The following THADA variants were observed in gnomAD, a reference collection of about 807,000 sequenced individuals.
The protein encoded by THADA is THADA armadillo repeat containing.
In THADA, 213 loss-of-function variants were observed where a neutral mutation model predicts 219.8. The observed-to-expected ratio is 0.97, with a 90% confidence interval of 0.87 to 1.09. The LOEUF (loss-of-function observed/expected upper bound fraction) is 1.09. Ranked by LOEUF, THADA falls within the 50% of genes least tolerant of loss-of-function variation. THADA has a pLI of 0.00. For synonymous variants in THADA, 1,018 were observed against 828.9 expected (o/e 1.23, Z -3.92); for missense variants, 2,956 against 2,311.3 (o/e 1.28, Z -5.72).
At chr2:43,363,505 T>C (rs974443669) in intron 29 of THADA, among the ~76,000 whole-genome samples, 2 of 152,210 alleles carry the variant, frequency 1.3e-5, no homozygotes, top group Admixed American at 6.5e-5. Context: ...TTCCTGGCTA[T>C]CATGAAAACT....
chr2:43,302,404 T>C (rs1308250211), intron 31 of THADA, among the ~76,000 whole-genome samples: 1 of 152,142 alleles, frequency 6.6e-6, no homozygotes, highest in East Asian at 1.9e-4. Flanking sequence ...GCCACTCAAG[T>C]ATGTGTGACT....
At chr2:43,249,263 T>A (rs1669573322) in intron 36 of THADA, among the ~76,000 whole-genome samples, 2 of 152,114 alleles carry the variant, frequency 1.3e-5, no homozygotes, top group African/African-American at 4.8e-5. Context: ...AATTTTGCAT[T>A]TTTTGTAGAG....
At chr2:43,375,913 A>C (rs1008954003) in intron 29 of THADA, among the ~76,000 whole-genome samples, 1 of 152,234 alleles carries the variant, frequency 6.6e-6, no homozygotes, top group Non-Finnish European at 1.5e-5. Context: ...AGCATTTTGC[A>C]AGAGAATTTC....
chr2:43,358,902 A>G (rs918993981), intron 29 of THADA, among the ~76,000 whole-genome samples: 6 of 152,232 alleles, frequency 3.9e-5, no homozygotes, highest in Admixed American at 6.5e-5. Flanking sequence ...AAAGACTGTG[A>G]ATCTTTAAAA....
intron 31 of THADA, among the ~76,000 whole-genome samples, chr2:43,307,619 A>C (rs1677016564): frequency 6.6e-6 from 1 of 152,212 alleles, no homozygotes; most frequent in South Asian, 2.1e-4. Context: ...ATTTGCCCTA[A>C]ACTAAAGGCT....
chr2:43,311,592 C>A (rs903607652), intron 31 of THADA, among the ~76,000 whole-genome samples: 1 of 152,196 alleles, frequency 6.6e-6, no homozygotes, highest in Non-Finnish European at 1.5e-5. Flanking sequence ...TTATTCATAA[C>A]AACCCAAAAG....
chr2:43,342,140 CAGG>C (rs1487265176), intron 30 of THADA, among the ~76,000 whole-genome samples: 1 of 152,138 alleles, frequency 6.6e-6, no homozygotes, highest in African/African-American at 2.4e-5. Flanking sequence ...ACTTCAGCCC[CAGG>C]AGGTCAAGGC....
At chr2:43,504,935 GAAGTCCAGACTATAACGTAC>G (rs760965698) in intron 24 of THADA, among the ~76,000 whole-genome samples, 5 of 152,116 alleles carry the variant, frequency 3.3e-5, no homozygotes, top group Non-Finnish European at 7.4e-5. Flanking sequence ...ATTAACTGAG[GAAGTCCAGACTATAACGTAC>G]AAGCAGTACT....
At chr2:43,280,534 A>C (rs1673220241) in intron 35 of THADA, among the ~76,000 whole-genome samples, 1 of 152,188 alleles carries the variant, frequency 6.6e-6, no homozygotes. Flanking sequence ...TGGGAGGCTG[A>C]GATGGGAGAA....
chr2:43,379,508 C>A (rs1671754978), intron 29 of THADA, among the ~76,000 whole-genome samples: 1 of 152,168 alleles, frequency 6.6e-6, no homozygotes, highest in African/African-American at 2.4e-5. Flanking sequence ...TAATACTACA[C>A]ACTTACTAGA....
chr2:43,426,455 G>C (rs1341073962), intron 28 of THADA, among the ~76,000 whole-genome samples: 1 of 152,124 alleles, frequency 6.6e-6, no homozygotes, highest in African/African-American at 2.4e-5. Flanking sequence ...ACATTTCTTA[G>C]TTCTTTCCAC....
intron 29 of THADA, among the ~76,000 whole-genome samples, chr2:43,351,644 T>C (rs1668277601): frequency 6.6e-6 from 1 of 152,222 alleles, no homozygotes; most frequent in Non-Finnish European, 1.5e-5. Context: ...GCTCTTTATC[T>C]GGCAGGGAGA....
At chr2:43,285,179 T>C (rs1673840769) in intron 35 of THADA, among the ~76,000 whole-genome samples, 2 of 152,132 alleles carry the variant, frequency 1.3e-5, no homozygotes, top group Admixed American at 1.3e-4. Context: ...GAAGGGATAA[T>C]TGTATTTTGC....
chr2:43,472,458 T>C (rs970955177), intron 26 of THADA, among the ~76,000 whole-genome samples: 10 of 152,242 alleles, frequency 6.6e-5, no homozygotes, highest in African/African-American at 2.4e-4. Flanking sequence ...AACAAGAGAA[T>C]CATTGAAAGA....
At chr2:43,516,808 C>T (rs1346703439) in intron 22 of THADA, among the ~76,000 whole-genome samples, 2 of 152,050 alleles carry the variant, frequency 1.3e-5, no homozygotes, top group Non-Finnish European at 2.9e-5. Flanking sequence ...TAGTGAATTT[C>T]ACTATTTTAT....
In THADA at chr2:43,496,521, G is replaced by C. The variant is rs13387060; in HGVS notation, c.3744+2312C>G. Among the ~76,000 whole-genome samples, 701 of 152,234 alleles carry C rather than the reference G, an allele frequency of 4.6e-3. 8 individuals carry two copies. Among genetic ancestry groups the C allele is most frequent in the African/African-American group, 0.016 (674 of 41,536 alleles). On this transcript the variant is annotated intron_variant, in intron 25 of 37. Coordinates refer to ENST00000405975, the MANE Select transcript of THADA (RefSeq NM_022065.5). ...GCACTAACTTAACATACTAACAGCA[G>C]AGTCCACAGCATCCAAAATACAGAC...
At chr2:43,322,054 G>C (rs1678776583) in intron 30 of THADA, among the ~76,000 whole-genome samples, 1 of 149,092 alleles carries the variant, frequency 6.7e-6, no homozygotes, top group South Asian at 2.1e-4. Context: ...TTTTTTTTTT[G>C]AGACAGAGTC....
At chr2:43,514,027 T>A (rs1690836280) in intron 22 of THADA, among the ~76,000 whole-genome samples, 1 of 147,362 alleles carries the variant, frequency 6.8e-6, no homozygotes, top group East Asian at 2.0e-4. Context: ...ACCACTAGAC[T>A]CCAGTGTGGA....
intron 29 of THADA, among the ~76,000 whole-genome samples, chr2:43,375,755 C>T (rs77056160): frequency 0.064 from 9,709 of 152,248 alleles, 388 homozygotes; most frequent in South Asian, 0.18. Flanking sequence ...AGTAAACCTC[C>T]TGAACTTCTA....
Sources: gnomAD v4.1 joint callset for allele counts (sites outside exome capture counted in the v4.1 genomes callset) on GRCh38, gnomAD v4.1.1 for gene constraint, MANE v1.5 for transcripts, NCBI Gene and HGNC (gene_info 2026-07-23, HGNC 2026-07-21) for gene names.